SLC4A10: variants seen among roughly 807,000 people sequenced by gnomAD.
SLC4A10 encodes the protein solute carrier family 4 member 10.
In SLC4A10, 42 loss-of-function variants were observed where a neutral mutation model predicts 137.7. The observed-to-expected ratio is 0.30, with a 90% CI of 0.24 to 0.39. The LOEUF (loss-of-function observed/expected upper bound fraction) is 0.39. SLC4A10 is among the 10% of genes least tolerant of loss of function. The pLI is 1.00. For missense variants in SLC4A10, 925 were observed against 1,355.0 expected (o/e 0.68, Z 4.98); for synonymous variants, 474 against 464.1 (o/e 1.02, Z -0.27).
rs573296728 is a variant in SLC4A10 at position 161,969,006 on chromosome 2, T to G, written c.3159+3833T>G. ...GTTAAGGTGGTAAACGGACAAGTTCTCCAGAAATGTTGCATTTCTGCAATT... is the reference window on the plus strand; with the variant it reads ...GTTAAGGTGGTAAACGGACAAGTTCGCCAGAAATGTTGCATTTCTGCAATT... On this transcript the variant is annotated intron_variant, in intron 23 of 26. Coordinates refer to ENST00000446997, the MANE Select transcript of SLC4A10 (RefSeq NM_001178015.2). Among the ~76,000 whole-genome samples the G allele has an allele frequency of 2.6e-5, 4 of 152,344 alleles. No homozygotes were observed. In the South Asian group the frequency reaches 8.3e-4, roughly 32 times the overall value.
chr2:161,731,073 C>T (rs181582348), intron 1 of SLC4A10, among the ~76,000 whole-genome samples: 34 of 152,174 alleles, frequency 2.2e-4, no homozygotes, highest in African/African-American at 7.5e-4. Flanking sequence ...AATCCAACAA[C>T]GACTTCAGTG....
intron 1 of SLC4A10, among the ~76,000 whole-genome samples, chr2:161,626,653 A>G (rs1273298276): frequency 1.3e-5 from 2 of 152,150 alleles, no homozygotes; most frequent in Admixed American, 1.3e-4. Flanking sequence ...CAAAACAAAC[A>G]TGTTATGTAA....
intron 22 of SLC4A10, 64 bp downstream of exon 22, chr2:161,964,372 A>G: frequency 2.0e-6 from 3 of 1,509,012 alleles, no homozygotes; most frequent in South Asian, 2.3e-5. Context: ...GGAAACATAA[A>G]CACATGAATT....
chr2:161,927,322 C>T (rs1274321878), intron 15 of SLC4A10, among the ~76,000 whole-genome samples: 1 of 152,192 alleles, frequency 6.6e-6, no homozygotes, highest in Non-Finnish European at 1.5e-5. Flanking sequence ...TCTTCCATCA[C>T]TGATAACCTT....
chr2:161,658,783 G>T (rs1463893662), intron 1 of SLC4A10, among the ~76,000 whole-genome samples: 1 of 151,858 alleles, frequency 6.6e-6, no homozygotes, highest in Non-Finnish European at 1.5e-5. Flanking sequence ...TAGAGATGGG[G>T]TTTCACCTTT....
At chr2:161,681,429 T>C (rs913875335) in intron 1 of SLC4A10, among the ~76,000 whole-genome samples, 1 of 152,164 alleles carries the variant, frequency 6.6e-6, no homozygotes, top group African/African-American at 2.4e-5. Flanking sequence ...TAGTGGAACA[T>C]GGCTAGTTAG....
intron 15 of SLC4A10, among the ~76,000 whole-genome samples, chr2:161,925,760 C>T (rs989249565): frequency 6.6e-6 from 1 of 151,940 alleles, no homozygotes; most frequent in Non-Finnish European, 1.5e-5. Context: ...TGTCTTTGTT[C>T]TCGTTGGTTT....
rs940904093 is a variant in SLC4A10 at position 161,984,567 on chromosome 2, A to G, written c.*1415A>G. The G allele has an allele frequency of 3.9e-5, 6 of 152,140 alleles. No individual in the cohort carries two copies. The South Asian group carries it at 1.2e-3, about 31-fold the overall frequency. The allele number at this position is 152,140 out of a possible 1,614,324, so 9.4% of individuals were successfully genotyped here. On this transcript the variant is annotated 3_prime_UTR_variant, in exon 27 of 27. Transcript: ENST00000446997. ...CTGTTGGAAGTGCACATGAAAAGTG[A>G]AGAAAAGTTCCTCTTGTGATTAAAC... is the stretch of plus-strand genomic sequence containing the variant.
At chr2:161,907,042 C>CGA (rs1684581179) in intron 15 of SLC4A10, among the ~76,000 whole-genome samples, 1 of 127,916 alleles carries the variant, frequency 7.8e-6, no homozygotes, top group African/African-American at 3.0e-5. Flanking sequence ...GGCGACAGAG[C>CGA]GAGACTCCGT....
intron 15 of SLC4A10, among the ~76,000 whole-genome samples, chr2:161,907,547 A>G (rs1684735030): frequency 2.0e-5 from 3 of 152,224 alleles, no homozygotes; most frequent in Admixed American, 2.0e-4. Context: ...ATAAACAGAC[A>G]GCATAAGGAA....
intron 12 of SLC4A10, among the ~76,000 whole-genome samples, chr2:161,902,930 G>GCAGT (rs1683449786): frequency 6.6e-6 from 1 of 152,032 alleles, no homozygotes; most frequent in Non-Finnish European, 1.5e-5. Context: ...CAGCATGCTG[G>GCAGT]CAGTATATTG....
chr2:161,633,174 A>G (rs2033862300), intron 1 of SLC4A10, among the ~76,000 whole-genome samples: 1 of 151,686 alleles, frequency 6.6e-6, no homozygotes. Context: ...CTTTCAACTT[A>G]TGATATTTTC....
At chr2:161,836,473 GGGT>G (rs2058772263) in intron 3 of SLC4A10, among the ~76,000 whole-genome samples, 1 of 115,728 alleles carries the variant, frequency 8.6e-6, no homozygotes, top group Non-Finnish European at 1.8e-5. Context: ...ACTCCAGTGT[GGGT>G]GACAGAGTGA....
At chr2:161,824,932 C>T (rs2057914980) in intron 3 of SLC4A10, among the ~76,000 whole-genome samples, 1 of 152,202 alleles carries the variant, frequency 6.6e-6, no homozygotes, top group African/African-American at 2.4e-5. Flanking sequence ...AGACCAACCC[C>T]TCCTCTTCCT....
At chr2:161,905,617 T>C (rs374164289) in intron 14 of SLC4A10, 25 bp from the exon 15 acceptor site, 2 of 1,555,326 alleles carry the variant, frequency 1.3e-6, no homozygotes, top group Non-Finnish European at 1.7e-6. Flanking sequence ...TTCTTTTCAC[T>C]GTTCTTTCCT....
intron 2 of SLC4A10, among the ~76,000 whole-genome samples, chr2:161,775,611 C>T (rs1274651896): frequency 6.6e-6 from 1 of 151,778 alleles, no homozygotes; most frequent in Non-Finnish European, 1.5e-5. Context: ...CTATACTGAG[C>T]CTTAAACTCC....
chr2:161,937,857 C>T (rs964615171), intron 15 of SLC4A10, among the ~76,000 whole-genome samples: 7 of 152,068 alleles, frequency 4.6e-5, no homozygotes, highest in Non-Finnish European at 7.4e-5. Flanking sequence ...TTGAAGGTTA[C>T]CGTACCTTAA....
At chr2:161,938,308 G>A (rs1255368774) in intron 15 of SLC4A10, among the ~76,000 whole-genome samples, 1 of 151,958 alleles carries the variant, frequency 6.6e-6, no homozygotes, top group Non-Finnish European at 1.5e-5. Flanking sequence ...ATTAAATAAA[G>A]AAAAGTTAGC....
chr2:161,931,292 C>T (rs552876773), intron 15 of SLC4A10: 1 of 152,484 alleles, frequency 6.6e-6, no homozygotes, highest in East Asian at 1.9e-4. Context: ...TCTGGCCTAG[C>T]TTCTTTTGGG....
Sources: allele counts gnomAD v4.1 joint callset (sites outside exome capture counted in the v4.1 genomes callset), GRCh38; gene constraint gnomAD v4.1.1; transcripts MANE v1.5; gene names NCBI Gene and HGNC (gene_info 2026-07-23, HGNC 2026-07-21).